The following TJP3 variants were observed in gnomAD, a reference collection of about 807,000 sequenced individuals.
TJP3 encodes the protein tight junction protein ZO-3.
A neutral mutation model predicts 104.2 loss-of-function variants in TJP3; 85 were observed. The observed-to-expected ratio is 0.82, with a 90% confidence interval of 0.68 to 0.98. The LOEUF is 0.98. Among genes scored for constraint, TJP3 ranks in the 50% least tolerant of loss-of-function variants. The pLI is 0.00. For synonymous variants in TJP3, 550 were observed against 550.6 expected (o/e 1.00, Z 0.02); for missense variants, 1,367 against 1,322.8 (o/e 1.03, Z -0.52).
chr19:3,741,602 G>T (rs1395042513), intron 14 of TJP3, among the ~76,000 whole-genome samples: 1 of 148,346 alleles, frequency 6.7e-6, no homozygotes, highest in Non-Finnish European at 1.5e-5. Context: ...ACTCCACCCT[G>T]GGCCACAGAT....
intron 1 of TJP3, among the ~76,000 whole-genome samples, chr19:3,718,832 G>A (rs866531477): frequency 2.0e-5 from 3 of 152,102 alleles, no homozygotes; most frequent in Non-Finnish European, 4.4e-5. Context: ...TGTGCGGGCC[G>A]GTAGGGAATG....
intron 1 of TJP3, among the ~76,000 whole-genome samples, chr19:3,717,154 G>A (rs1265336909): frequency 6.9e-6 from 1 of 145,876 alleles, no homozygotes; most frequent in Non-Finnish European, 1.5e-5. Context: ...TAGTAGAGAC[G>A]AGGTTTCTCC....
chr19:3,712,790 T>C (rs1368726789), intron 1 of TJP3, among the ~76,000 whole-genome samples: 1 of 151,098 alleles, frequency 6.6e-6, no homozygotes, highest in East Asian at 2.0e-4. Context: ...CTCTACAAAA[T>C]ATACAAAAAT....
intron 1 of TJP3, among the ~76,000 whole-genome samples, chr19:3,717,803 A>G (rs1403043553): frequency 4.6e-5 from 7 of 151,758 alleles, no homozygotes; most frequent in South Asian, 2.1e-4. Flanking sequence ...GAATGAGAGT[A>G]CAGTGGTGTG....
chr19:3,728,612 C>T lies in TJP3; in HGVS notation c.57C>T (p.Arg19=). The stretch of plus-strand genomic sequence containing the variant: ...CCCTCATCCTCTCTCAGGACCCCCG[C>T]CGGGGCTTTGGCATTGCGATCTCTG... ...QHTATLSKDP[R]RGFGIAISGG... The change falls in exon 3 of 21, where the codon CGC becomes CGT. Residue 19 remains arginine (R), a synonymous_variant. Transcript: ENST00000541714. 6.2e-7 allele frequency: 1 copy of T among 1,612,826 alleles called. No homozygotes were observed. The highest frequency in any genetic ancestry group is 8.5e-7 in the Non-Finnish European group (1 of 1,179,736).
In TJP3 at chr19:3,738,630, G is replaced by C; in HGVS notation, c.1360G>C (p.Glu454Gln). 1 of 1,613,920 alleles carries C rather than the reference G, an allele frequency of 6.2e-7. No homozygotes were observed. Among genetic ancestry groups the C allele is most frequent in the Non-Finnish European group, 8.5e-7 (1 of 1,179,966 alleles). Residue 454 changes from glutamate to glutamine, a missense_variant, in exon 12 of 21, where the codon GAG becomes CAG. By Grantham distance (29) the Glu-to-Gln change is conservative (BLOSUM62 2). Coordinates refer to ENST00000541714, the MANE Select transcript of TJP3 (RefSeq NM_001267560.2). ...QFLLGLPPGE[E>Q]MELVTQRKQD... ...CCTGCTGGGGCTGCCACCAGGCGAG[G>C]AGATGGAGCTGGTGACGCAGAGGAA... is the stretch of plus-strand genomic sequence containing the variant.
chr19:3,732,091 G>A lies in TJP3; in HGVS notation c.717+53G>A, dbSNP rs182978247. 9.7e-4 allele frequency: 1,452 copies of A among 1,503,740 alleles called. 17 individuals carry two copies. The African/African-American group carries it at 0.018, about 18-fold the overall frequency. 93.1% of individuals were successfully genotyped at this position (1,503,740 alleles called of 1,614,324 possible). A position where few individuals can be genotyped will look rare whatever the true frequency, so the allele number is the denominator to read the frequency against. On this transcript the variant is annotated intron_variant, in intron 6 of 20. Coordinates refer to ENST00000541714, the MANE Select transcript of TJP3 (RefSeq NM_001267560.2). ...CAGGGAGACAAGGCAGGGTTGGGGC[G>A]GGCAGTCCCACGGAGTCATACAGCA... is the stretch of plus-strand genomic sequence containing the variant.
In TJP3 at chr19:3,735,852, T is replaced by A; in HGVS notation, c.1061-17T>A. 1 of 1,614,070 alleles carries A rather than the reference T, an allele frequency of 6.2e-7. No homozygotes were observed. ...GAGCCAGTGTGCTTGGGAAAGAGAC[T>A]GGCTTTTCCCTTTCAGAGTTGCCCA... On this transcript the variant is annotated splice_polypyrimidine_tract_variant and intron_variant, in intron 9 of 20. Coordinates refer to ENST00000541714, the MANE Select transcript of TJP3 (RefSeq NM_001267560.2).
chr19:3,748,328 A>G (rs1471484936), intron 19 of TJP3, among the ~76,000 whole-genome samples: 5 of 147,042 alleles, frequency 3.4e-5, no homozygotes, highest in Admixed American at 1.4e-4. Context: ...CTGGAGTGCA[A>G]TGGCGCAATC....
intron 19 of TJP3, 142 bp downstream of exon 19, chr19:3,748,223 A>T (rs1321958819): frequency 1.8e-6 from 2 of 1,100,002 alleles, no homozygotes; most frequent in Non-Finnish European, 2.5e-6. Context: ...TGGGACTCAG[A>T]CCTGGGGTAG....
In TJP3 at chr19:3,748,096, G is replaced by A. The variant is rs1176256181; in HGVS notation, c.2610+15G>A. The A allele has an allele frequency of 1.9e-6, 3 of 1,539,650 alleles. No individual in the cohort carries two copies. The highest frequency in any genetic ancestry group is 1.2e-5 in the South Asian group (1 of 81,882). On this transcript the variant is annotated intron_variant, in intron 19 of 20. Transcript: ENST00000541714. ...AGGGGGCCCAGGTGCGTCGGACATG[G>A]GGGGCAGGCCTGGGAAGGGTCTCCG... is the stretch of plus-strand genomic sequence containing the variant.
chr19:3,725,278 A>G (rs1313762563), intron 1 of TJP3, among the ~76,000 whole-genome samples: 5 of 151,702 alleles, frequency 3.3e-5, no homozygotes, highest in African/African-American at 1.2e-4. Context: ...CAAACAACCA[A>G]TCAACCAACC....
In TJP3 at chr19:3,708,908, G is replaced by A. The variant is rs866346178; in HGVS notation, c.-10+347G>A. On this transcript the variant is annotated intron_variant, in intron 1 of 20. Coordinates refer to ENST00000541714, the MANE Select transcript of TJP3 (RefSeq NM_001267560.2). ...GAGGGGAGGGGATATCAGTCCAGAC[G>A]GAGCCTGGGTTTACCTCCTGCAGCC... is the stretch of plus-strand genomic sequence containing the variant. Among the ~76,000 whole-genome samples, 92 of 152,260 alleles carry A rather than the reference G, an allele frequency of 6.0e-4. 1 individual carries two copies. The highest frequency in any genetic ancestry group is 2.5e-3 in the South Asian group (12 of 4,818).
Position 3,733,790 on chromosome 19 carries a change from AC to A in TJP3, c.756del (p.Asp252GlufsTer5). On this transcript the variant is annotated frameshift_variant, in exon 7 of 21. Transcript: ENST00000541714. LOFTEE classifies it high-confidence loss of function. ...GVSSQNLSLN[D>X]TRRLIEKSEG... ...TCTAGCCAGAACCTGTCACTGAACG[AC>A]ACCCGGCGACTGATTGAGAAGTCAG... is the stretch of plus-strand genomic sequence containing the variant. The A allele has an allele frequency of 6.2e-7, 1 of 1,614,194 alleles. No individual in the cohort carries two copies. The highest frequency in any genetic ancestry group is 8.5e-7 in the Non-Finnish European group (1 of 1,180,028).
chr19:3,730,550 C>G lies in TJP3; in HGVS notation c.457C>G (p.Arg153Gly). ...GCGCTCCCGCCGGCCGAGGCCTGGT[C>G]GCCGGGGCCGGGCCGGCAGCCATGG... Reference protein sequence around the residue: ...DERSRRPRPGRRGRAGSHGRR... With the variant: ...DERSRRPRPGGRGRAGSHGRR... Residue 153 changes from arginine to glycine, a missense_variant, in exon 5 of 21, where the codon CGC (arginine) becomes GGC (glycine). Transcript: ENST00000541714. The surrounding 1 kb of genome is among the most constrained non-coding windows in gnomAD (Gnocchi z 7.3). 6.2e-7 allele frequency: 1 copy of G among 1,602,984 alleles called. No individual in the cohort carries two copies. The highest frequency in any genetic ancestry group is 8.5e-7 in the Non-Finnish European group (1 of 1,177,212).
chr19:3,732,707 C>G (rs537600086), intron 6 of TJP3, among the ~76,000 whole-genome samples: 56 of 152,220 alleles, frequency 3.7e-4, no homozygotes, highest in Admixed American at 1.6e-3. Context: ...ACGGGTTTCT[C>G]CATGTTGGCC....
chr19:3,735,213 T>A (rs753758179), intron 8 of TJP3, among the ~76,000 whole-genome samples: 6 of 152,060 alleles, frequency 3.9e-5, no homozygotes, highest in Admixed American at 1.3e-4. Flanking sequence ...TTATTTATTT[T>A]TTTGGAGACA....
At chr19:3,717,450 A>G (rs909403303) in intron 1 of TJP3, among the ~76,000 whole-genome samples, 1 of 148,134 alleles carries the variant, frequency 6.8e-6, no homozygotes, top group Non-Finnish European at 1.5e-5. Context: ...TTTTTGAAAC[A>G]TAGTGTTGTG....
intron 1 of TJP3, among the ~76,000 whole-genome samples, chr19:3,728,106 G>T (rs569797043): frequency 1.3e-5 from 2 of 150,966 alleles, no homozygotes; most frequent in Admixed American, 1.3e-4. Context: ...CAGGTGTGGT[G>T]GTGCACCCCT....
Sources: gnomAD v4.1 joint callset for allele counts (sites outside exome capture counted in the v4.1 genomes callset) on GRCh38, gnomAD v4.1.1 for gene constraint, Gnocchi (gnomAD v3.1) non-coding constraint, MANE v1.5 for transcripts, NCBI Gene and HGNC (gene_info 2026-07-23, HGNC 2026-07-21) for gene names.